The following NLGN1 variants were observed in gnomAD, a reference collection of about 807,000 sequenced individuals.
NLGN1 encodes the protein neuroligin 1.
Under a neutral mutation model 65.5 loss-of-function variants are expected in NLGN1, and 12 were observed. That is an observed-to-expected ratio of 0.18 (90% CI 0.12 to 0.30). The LOEUF is 0.30. Ranked by LOEUF, NLGN1 falls within the 10% of genes least tolerant of loss-of-function variation. The pLI is 1.00. For missense variants in NLGN1, 750 were observed against 1,007.1 expected, an observed-to-expected ratio of 0.74 and a Z score of 3.46; for synonymous variants, 350 against 359.5, an observed-to-expected ratio of 0.97 and a Z score of 0.30.
intron 2 of NLGN1, among the ~76,000 whole-genome samples, chr3:173,463,931 T>C: frequency 6.6e-6 from 1 of 152,002 alleles, no homozygotes; most frequent in Non-Finnish European, 1.5e-5. Flanking sequence ...GATAAATTGA[T>C]ACATAAATAT....
intron 2 of NLGN1, among the ~76,000 whole-genome samples, chr3:173,451,558 G>A (rs1228342225): frequency 1.3e-5 from 2 of 152,178 alleles, no homozygotes; most frequent in African/African-American, 4.8e-5. Context: ...CAAGCTGTGT[G>A]CTGGGAGAAC....
intron 3 of NLGN1, among the ~76,000 whole-genome samples, chr3:173,664,057 T>C (rs1761351925): frequency 6.6e-6 from 1 of 152,018 alleles, no homozygotes. Flanking sequence ...AGCACTGTAA[T>C]TTATTTCTGT....
At chr3:173,889,000 A>G (rs550729020) in intron 4 of NLGN1, among the ~76,000 whole-genome samples, 1 of 152,270 alleles carries the variant, frequency 6.6e-6, no homozygotes, top group East Asian at 1.9e-4. Flanking sequence ...CAAACCAGCT[A>G]TACAAGTTTT....
intron 3 of NLGN1, among the ~76,000 whole-genome samples, chr3:173,774,053 C>G (rs1779956734): frequency 6.6e-6 from 1 of 152,106 alleles, no homozygotes; most frequent in Non-Finnish European, 1.5e-5. Context: ...GCCAGGAAGG[C>G]CGATGCATTC....
intron 4 of NLGN1, among the ~76,000 whole-genome samples, chr3:173,944,379 C>T (rs1343694781): frequency 1.3e-5 from 2 of 151,952 alleles, no homozygotes; most frequent in East Asian, 3.9e-4. Context: ...TTTACATGGG[C>T]AACATGAAGT....
chr3:173,514,223 T>C (rs1319714821), intron 2 of NLGN1, among the ~76,000 whole-genome samples: 4 of 152,194 alleles, frequency 2.6e-5, no homozygotes, highest in African/African-American at 9.6e-5. Context: ...ATCTATTTTT[T>C]GAGATTTTTA....
intron 4 of NLGN1, among the ~76,000 whole-genome samples, chr3:174,274,243 T>C (rs1337962999): frequency 6.6e-6 from 1 of 151,808 alleles, no homozygotes; most frequent in African/African-American, 2.4e-5. Flanking sequence ...TTTTCATTTA[T>C]ATTAAATGCA....
intron 3 of NLGN1, chr3:173,685,880 T>G: frequency 7.4e-6 from 6 of 815,240 alleles, no homozygotes; most frequent in Non-Finnish European, 8.9e-6. Context: ...TAAAATAAAA[T>G]TAATACTTCT....
intron 3 of NLGN1, among the ~76,000 whole-genome samples, chr3:173,782,947 T>A (rs1415011779): frequency 6.7e-6 from 1 of 149,650 alleles, no homozygotes; most frequent in Non-Finnish European, 1.5e-5. Flanking sequence ...TATTGTTGAG[T>A]TAAAAAAAGT....
intron 2 of NLGN1, among the ~76,000 whole-genome samples, chr3:173,580,498 A>C (rs1462087997): frequency 6.6e-6 from 1 of 151,910 alleles, no homozygotes. Context: ...TAGAGAATTT[A>C]TTCTCTTCAT....
chr3:173,597,699 T>A (rs923947107), intron 2 of NLGN1, among the ~76,000 whole-genome samples: 1 of 151,352 alleles, frequency 6.6e-6, no homozygotes, highest in Non-Finnish European at 1.5e-5. Context: ...TATACATATA[T>A]ATATATTTAA....
intron 3 of NLGN1, among the ~76,000 whole-genome samples, chr3:173,780,133 T>A (rs1780901860): frequency 6.6e-6 from 1 of 152,196 alleles, no homozygotes; most frequent in East Asian, 1.9e-4. Flanking sequence ...TATTTAAACT[T>A]ACAGTTGACA....
chr3:174,272,676 T>G (rs1299912465), intron 4 of NLGN1, among the ~76,000 whole-genome samples: 1 of 142,654 alleles, frequency 7.0e-6, no homozygotes, highest in East Asian at 2.0e-4. Flanking sequence ...GATAGATAGA[T>G]AGATAGATAG....
chr3:173,940,370 T>C (rs1327633769), intron 4 of NLGN1, among the ~76,000 whole-genome samples: 1 of 152,124 alleles, frequency 6.6e-6, no homozygotes, highest in Non-Finnish European at 1.5e-5. Context: ...ATTACAGGCA[T>C]GAGCTACCAT....
chr3:173,437,877 C>T (rs613862), intron 2 of NLGN1, among the ~76,000 whole-genome samples: 25,077 of 151,992 alleles, frequency 0.16, 2,445 homozygotes, highest in African/African-American at 0.27. Context: ...TCCTGCCTTC[C>T]CTACTATCAG....
intron 4 of NLGN1, among the ~76,000 whole-genome samples, chr3:174,162,839 G>GA (rs1042461527): frequency 2.2e-4 from 33 of 150,780 alleles, no homozygotes; most frequent in African/African-American, 4.9e-4. Flanking sequence ...TGAGAGAAAA[G>GA]AAAAAAAATC....
intron 1 of NLGN1, among the ~76,000 whole-genome samples, chr3:173,431,412 TATATA>T (rs1430905242): frequency 6.6e-6 from 1 of 152,128 alleles, no homozygotes; most frequent in African/African-American, 2.4e-5. Flanking sequence ...CTAGCACACA[TATATA>T]ATATACAAAA....
chr3:174,209,922 C>T (rs1171610400), intron 4 of NLGN1, among the ~76,000 whole-genome samples: 6 of 151,958 alleles, frequency 3.9e-5, no homozygotes, highest in African/African-American at 9.7e-5. Flanking sequence ...TGAACCACCG[C>T]GCCTGGCTGT....
chr3:174,230,748 CAT>C (rs1179597529), intron 4 of NLGN1, among the ~76,000 whole-genome samples: 1 of 151,916 alleles, frequency 6.6e-6, no homozygotes, highest in Non-Finnish European at 1.5e-5. Flanking sequence ...GCCTGAGAAA[CAT>C]AGCAAGATCC....
Sources: allele counts gnomAD v4.1 joint callset (sites outside exome capture counted in the v4.1 genomes callset), GRCh38; gene constraint gnomAD v4.1.1; transcripts MANE v1.5; gene names NCBI Gene and HGNC (gene_info 2026-07-23, HGNC 2026-07-21).